RIT2: variants seen among roughly 807,000 people sequenced by gnomAD.
RIT2 encodes the protein GTP-binding protein Rit2.
A neutral mutation model predicts 23.7 loss-of-function variants in RIT2; 24 were observed. The observed-to-expected ratio is 1.01, with a 90% CI of 0.73 to 1.43. The LOEUF is 1.43. Ranked by LOEUF, RIT2 falls within the 40% of genes most tolerant of loss-of-function variation. The pLI, the probability that RIT2 is intolerant of heterozygous loss-of-function variation, is 0.00. For missense variants in RIT2, 236 were observed against 266.9 expected (o/e 0.88, Z 0.81); for synonymous variants, 107 against 91.1 (o/e 1.17, Z -0.99).
intron 4 of RIT2, among the ~76,000 whole-genome samples, chr18:42,871,757 G>A (rs1426614062): frequency 6.6e-6 from 1 of 152,208 alleles, no homozygotes; most frequent in Non-Finnish European, 1.5e-5. Flanking sequence ...GCTTACAAGT[G>A]AAAGTACTCT....
chr18:42,781,648 G>A (rs1361827021), intron 4 of RIT2, among the ~76,000 whole-genome samples: 1 of 152,128 alleles, frequency 6.6e-6, no homozygotes, highest in Admixed American at 6.5e-5. Flanking sequence ...TATTGATAAC[G>A]TGTATTAAAA....
intron 4 of RIT2, among the ~76,000 whole-genome samples, chr18:42,874,435 T>A (rs1444378407): frequency 6.6e-6 from 1 of 152,168 alleles, no homozygotes; most frequent in Non-Finnish European, 1.5e-5. Flanking sequence ...ACACAACTAG[T>A]ATTTGTATGT....
At chr18:43,113,227 A>G (rs80114089) in intron 1 of RIT2, among the ~76,000 whole-genome samples, 7,578 of 152,308 alleles carry the variant, frequency 0.05, 223 homozygotes, top group South Asian at 0.098. Flanking sequence ...TCCAAGGACC[A>G]GATGATTTTC....
intron 4 of RIT2, among the ~76,000 whole-genome samples, chr18:42,745,058 T>G (rs1417231703): frequency 6.6e-6 from 1 of 152,112 alleles, no homozygotes; most frequent in Non-Finnish European, 1.5e-5. Flanking sequence ...TCAACAAAAT[T>G]ACCCAGGGTT....
At position 42,856,815 on chromosome 18, in the gene RIT2, TTCTC is replaced by T. The variant is rs199911019; in HGVS notation, c.426+66753_426+66756del. Among the ~76,000 whole-genome samples the T allele has an allele frequency of 2.0e-3, 295 of 146,750 alleles. 3 individuals carry two copies. Among genetic ancestry groups the T allele is most frequent in the African/African-American group, 7.2e-3 (270 of 37,638 alleles). Reference sequence around the variant, plus strand: ...CAATTCCTTGAGAAGTCTTTTTCTTTTCTCTCTCTCTCTTTTTTTTTTTTTTTTT... The same window carrying T: ...CAATTCCTTGAGAAGTCTTTTTCTTTTCTCTCTCTTTTTTTTTTTTTTTTT... On this transcript the variant is annotated intron_variant, in intron 4 of 4. Coordinates refer to ENST00000326695, the MANE Select transcript of RIT2 (RefSeq NM_002930.4).
At chr18:42,971,565 T>G (rs1910361990) in intron 3 of RIT2, among the ~76,000 whole-genome samples, 1 of 152,062 alleles carries the variant, frequency 6.6e-6, no homozygotes, top group South Asian at 2.1e-4. Flanking sequence ...TGCTCAGCTA[T>G]TGCCACAATA....
intron 4 of RIT2, among the ~76,000 whole-genome samples, chr18:42,906,911 T>C (rs1908637863): frequency 6.6e-6 from 1 of 152,202 alleles, no homozygotes; most frequent in South Asian, 2.1e-4. Flanking sequence ...CTTTCTCTCA[T>C]TCCTATCATC....
chr18:42,866,136 T>C (rs1383678172), intron 4 of RIT2, among the ~76,000 whole-genome samples: 1 of 152,210 alleles, frequency 6.6e-6, no homozygotes, highest in Non-Finnish European at 1.5e-5. Flanking sequence ...TGGGTGTTTA[T>C]TATGGTTTTG....
intron 4 of RIT2, among the ~76,000 whole-genome samples, chr18:42,830,825 G>C (rs1321168616): frequency 6.6e-6 from 1 of 152,134 alleles, no homozygotes; most frequent in Non-Finnish European, 1.5e-5. Flanking sequence ...GTGATAATCT[G>C]TTCCTTTCCA....
At chr18:42,877,702 G>A (rs1449146146) in intron 4 of RIT2, among the ~76,000 whole-genome samples, 3 of 151,406 alleles carry the variant, frequency 2.0e-5, no homozygotes, top group Non-Finnish European at 4.4e-5. Flanking sequence ...CAAATCTTTT[G>A]AGCACAAACA....
intron 4 of RIT2, among the ~76,000 whole-genome samples, chr18:42,878,398 A>T (rs1907799754): frequency 6.6e-6 from 1 of 152,028 alleles, no homozygotes; most frequent in South Asian, 2.1e-4. Flanking sequence ...ATAGAAGTGA[A>T]TCATCACAAA....
chr18:42,819,957 T>C (rs1184874402), intron 4 of RIT2, among the ~76,000 whole-genome samples: 1 of 152,156 alleles, frequency 6.6e-6, no homozygotes, highest in Non-Finnish European at 1.5e-5. Flanking sequence ...CATTTGCATA[T>C]AACCTACACA....
chr18:42,876,862 T>C (rs1001357489), intron 4 of RIT2, among the ~76,000 whole-genome samples: 20 of 151,918 alleles, frequency 1.3e-4, no homozygotes, highest in Admixed American at 3.9e-4. Flanking sequence ...TATTAAAATA[T>C]TTGATGTTAA....
At chr18:43,006,840 T>C (rs1314648266) in intron 2 of RIT2, among the ~76,000 whole-genome samples, 2 of 151,360 alleles carry the variant, frequency 1.3e-5, no homozygotes, top group Non-Finnish European at 3.0e-5. Flanking sequence ...AATTTAAAAT[T>C]ACATTTTAAA....
chr18:42,810,419 G>GA, intron 4 of RIT2, among the ~76,000 whole-genome samples: 1 of 151,564 alleles, frequency 6.6e-6, no homozygotes, highest in African/African-American at 2.4e-5. Context: ...ACAAATCACA[G>GA]AAAAAACTTA....
chr18:43,067,224 A>C lies in RIT2; in HGVS notation c.104-33357T>G, dbSNP rs80288287. ...CACATAAGGAGTGACTAAAAGGAAAAAATTAAGCATCAGCTATTATATTTC... is the reference window on the plus strand; with the variant it reads ...CACATAAGGAGTGACTAAAAGGAAACAATTAAGCATCAGCTATTATATTTC... On this transcript the variant is annotated intron_variant, in intron 1 of 4. Transcript: ENST00000326695. Among the ~76,000 whole-genome samples the C allele has an allele frequency of 9.0e-3, 1,372 of 152,270 alleles. 37 individuals are homozygous for C. Among genetic ancestry groups the C allele is most frequent in the African/African-American group, 0.031 (1,307 of 41,558 alleles).
chr18:42,910,184 G>T lies in RIT2; in HGVS notation c.426+13388C>A, dbSNP rs565973423. On this transcript the variant is annotated intron_variant, in intron 4 of 4. Transcript: ENST00000326695. ...CCAAGATACATACAGACAAACAATG[G>T]CCAATTGAGAAAGAGAAAGCGAAAA... Among the ~76,000 whole-genome samples, 225 of 152,080 alleles carry T rather than the reference G, an allele frequency of 1.5e-3. 1 individual carries two copies. The highest frequency in any genetic ancestry group is 5.3e-3 in the African/African-American group (218 of 41,500).
chr18:42,932,809 T>C (rs1909359220), intron 3 of RIT2, among the ~76,000 whole-genome samples: 1 of 152,144 alleles, frequency 6.6e-6, no homozygotes, highest in Non-Finnish European at 1.5e-5. Context: ...TTTGCCGTGA[T>C]CTGAATCCTG....
chr18:42,789,547 C>T (rs1397372745), intron 4 of RIT2, among the ~76,000 whole-genome samples: 1 of 152,096 alleles, frequency 6.6e-6, no homozygotes, highest in Non-Finnish European at 1.5e-5. Context: ...GATCTTTCAC[C>T]TCTTGGTTAA....
Sources: allele counts gnomAD v4.1 joint callset (sites outside exome capture counted in the v4.1 genomes callset), GRCh38; gene constraint gnomAD v4.1.1; transcripts MANE v1.5; gene names NCBI Gene and HGNC (gene_info 2026-07-23, HGNC 2026-07-21).